Variants in ARHGEF10L observed in about 807,000 individuals in gnomAD.
The protein encoded by ARHGEF10L is rho guanine nucleotide exchange factor 10-like protein.
A neutral mutation model predicts 141.2 loss-of-function variants in ARHGEF10L; 69 were observed. The ratio of observed to expected loss-of-function variants is 0.49; its 90% confidence interval spans 0.40 to 0.60. The LOEUF (loss-of-function observed/expected upper bound fraction) is 0.60. Among genes scored for constraint, ARHGEF10L ranks in the 20% least tolerant of loss-of-function variants. The pLI is 0.00. For synonymous variants in ARHGEF10L, 711 were observed against 718.5 expected, an observed-to-expected ratio of 0.99 and a Z score of 0.17; for missense variants, 1,482 against 1,734.3, an observed-to-expected ratio of 0.85 and a Z score of 2.58.
At chr1:17,624,583 G>A in intron 13 of ARHGEF10L, 80 bp downstream of exon 13, 2 of 1,161,478 alleles carry the variant, frequency 1.7e-6, no homozygotes, top group Non-Finnish European at 2.6e-6. Context: ...TTTGGCCCCA[G>A]CTTTGGGTAT....
rs571367544 is a variant in ARHGEF10L at position 17,694,993 on chromosome 1, G to C, written c.3185-165G>C. 2.7e-5 allele frequency: 27 copies of C among 988,672 alleles called. No homozygotes were observed. In the East Asian group the frequency reaches 6.5e-4, roughly 24 times the overall value. The allele number at this position is 988,672 out of a possible 1,614,324, so 61.2% of individuals were successfully genotyped here. A position where few individuals can be genotyped will look rare whatever the true frequency, so the allele number is the denominator to read the frequency against. ...TGCAGGACCTCGTGGCCAGACCCCAGGCAGGTCAGCCTCCAAAGCCCCAGC... is the reference window on the plus strand; with the variant it reads ...TGCAGGACCTCGTGGCCAGACCCCACGCAGGTCAGCCTCCAAAGCCCCAGC... On this transcript the variant is annotated intron_variant, in intron 27 of 28. Transcript: ENST00000361221.
Position 17,697,394 on chromosome 1 carries a change from C to G in ARHGEF10L, c.*14C>G, listed in dbSNP as rs1569922530. 6.4e-7 allele frequency: 1 copy of G among 1,569,320 alleles called. No individual in the cohort carries two copies. Among genetic ancestry groups the G allele is most frequent in the Admixed American group, 1.8e-5 (1 of 56,862 alleles). On this transcript the variant is annotated 3_prime_UTR_variant, in exon 29 of 29. Transcript: ENST00000361221. The surrounding 1 kb of genome is among the most constrained non-coding windows in gnomAD (Gnocchi z 4.8). ...TTGATGCTATAGCGCCTCCCCTCTCCCCTCAGAGGGCACAGCTGCAGGCCT... is the reference window on the plus strand; with the variant it reads ...TTGATGCTATAGCGCCTCCCCTCTCGCCTCAGAGGGCACAGCTGCAGGCCT...
chr1:17,602,720 G>A (rs2080810616), intron 5 of ARHGEF10L, among the ~76,000 whole-genome samples: 1 of 152,128 alleles, frequency 6.6e-6, no homozygotes, highest in South Asian at 2.1e-4. Context: ...GTGTGGCTGC[G>A]GGCCCTGCAG....
chr1:17,639,466 G>A lies in ARHGEF10L; in HGVS notation c.2172-736G>A, dbSNP rs2061205051. Among the ~76,000 whole-genome samples the A allele has an allele frequency of 1.3e-5, 2 of 152,196 alleles. No homozygotes were observed. The highest frequency in any genetic ancestry group is 4.8e-5 in the African/African-American group (2 of 41,458). The stretch of plus-strand genomic sequence containing the variant: ...CACTATCATTTGAGGTAGGACCATG[G>A]GCTCAGTCCCCCAGGGGACCATGTG... On this transcript the variant is annotated intron_variant, in intron 20 of 28. Transcript: ENST00000361221. The surrounding 1 kb of genome is among the most constrained non-coding windows in gnomAD (Gnocchi z 4.3).
intron 4 of ARHGEF10L, among the ~76,000 whole-genome samples, chr1:17,593,537 C>T (rs888720990): frequency 3.9e-5 from 6 of 152,120 alleles, no homozygotes; most frequent in South Asian, 2.1e-4. Flanking sequence ...GAAGATGCCA[C>T]GCTCCTGGCC....
At chr1:17,629,825 C>T (rs1330677900) in intron 15 of ARHGEF10L, among the ~76,000 whole-genome samples, 1 of 152,228 alleles carries the variant, frequency 6.6e-6, no homozygotes, top group Non-Finnish European at 1.5e-5. Context: ...CCTTCGGCTC[C>T]CTCTTCGGTG....
intron 28 of ARHGEF10L, 133 bp from the exon 29 acceptor site, chr1:17,696,715 G>T: frequency 1.1e-6 from 1 of 936,912 alleles, no homozygotes; most frequent in South Asian, 2.5e-5. Context: ...TGGCCTTCGG[G>T]GGAGGTGCCA....
At chr1:17,590,762 G>GGAGT (rs2079463959) in intron 4 of ARHGEF10L, among the ~76,000 whole-genome samples, 2 of 152,152 alleles carry the variant, frequency 1.3e-5, no homozygotes, top group African/African-American at 4.8e-5. Flanking sequence ...CAAGGTGGGT[G>GGAGT]GACCACTGAG....
chr1:17,683,424 C>T (rs75038282), intron 26 of ARHGEF10L, among the ~76,000 whole-genome samples: 1 of 100,050 alleles, frequency 1.0e-5, no homozygotes, highest in African/African-American at 3.5e-5. Context: ...TGCTCTCACC[C>T]GGGTGCTCAC....
At position 17,621,952 on chromosome 1, in the gene ARHGEF10L, A is replaced by G. The variant is rs759393762; in HGVS notation, c.1020+11A>G. The stretch of plus-strand genomic sequence containing the variant: ...AAGCGGATACTCCAGGTGCGACTTC[A>G]GGGAGTTCTCAAGGGTCTCTGGGGA... On this transcript the variant is annotated intron_variant, in intron 11 of 28. Transcript: ENST00000361221. This position sits in a 1 kb window ranked among gnomAD's most constrained non-coding sequence, Gnocchi z 4.1. The G allele has an allele frequency of 6.2e-7, 1 of 1,613,950 alleles. No individual in the cohort carries two copies. Among genetic ancestry groups the G allele is most frequent in the African/African-American group, 1.3e-5 (1 of 74,926 alleles).
chr1:17,669,660 TC>T (rs2063195761), intron 26 of ARHGEF10L, among the ~76,000 whole-genome samples: 1 of 152,188 alleles, frequency 6.6e-6, no homozygotes, highest in African/African-American at 2.4e-5. Flanking sequence ...CAGATGTAAC[TC>T]CCAGGAGCTC....
At chr1:17,668,637 A>T (rs1226620720) in intron 26 of ARHGEF10L, among the ~76,000 whole-genome samples, 1 of 152,126 alleles carries the variant, frequency 6.6e-6, no homozygotes, top group Middle Eastern at 3.2e-3. Context: ...GGGAGGCGAG[A>T]TGGAGGAAGG....
At chr1:17,632,281 G>C (rs763270890) in intron 15 of ARHGEF10L, 40 bp from the exon 16 acceptor site, 2 of 1,608,272 alleles carry the variant, frequency 1.2e-6, no homozygotes, top group South Asian at 2.2e-5. Context: ...AAGCCGCCGG[G>C]CCGCGATGCT....
chr1:17,563,882 C>T (rs182687762), intron 1 of ARHGEF10L, among the ~76,000 whole-genome samples: 2 of 152,262 alleles, frequency 1.3e-5, no homozygotes, highest in East Asian at 1.9e-4. Flanking sequence ...ACCCCTCCGT[C>T]GTCTGAGAGC....
In ARHGEF10L at chr1:17,625,813, C is replaced by T; in HGVS notation, c.1318-143C>T. 1 of 706,358 alleles carries T rather than the reference C, an allele frequency of 1.4e-6. No homozygotes were observed. The highest frequency in any genetic ancestry group is 2.4e-6 in the Non-Finnish European group (1 of 415,696). The allele number at this position is 706,358 out of a possible 1,614,324, so 43.8% of individuals were successfully genotyped here. ...CCTGGCTGCAGAACCACGGACCTCT[C>T]TCAGCTCTTCTTGCAAGCCCAGGGA... On this transcript the variant is annotated intron_variant, in intron 13 of 28. Transcript: ENST00000361221. The surrounding 1 kb of genome is among the most constrained non-coding windows in gnomAD (Gnocchi z 4.5).
Position 17,616,139 on chromosome 1 carries a change from C to T in ARHGEF10L, c.772C>T (p.Leu258=). 1 of 1,613,800 alleles carries T rather than the reference C, an allele frequency of 6.2e-7. No individual in the cohort carries two copies. The highest frequency in any genetic ancestry group is 1.7e-5 in the Admixed American group (1 of 60,024). ...KAAKSGTKDG[L]EKTRMAVMRK... is the part of the protein sequence containing the mutation. ...CGCCAAGAGCGGGACCAAGGATGGG[C>T]TGGAGAAGACACGGATGGCCGTGAT... is the stretch of plus-strand genomic sequence containing the variant. The change falls in exon 9 of 29, where the codon CTG becomes TTG. Residue 258 remains leucine, a synonymous_variant. Transcript: ENST00000361221.
At chr1:17,695,019 T>TCTTCCCCACCC (rs1457406265) in intron 27 of ARHGEF10L, 139 bp from the exon 28 acceptor site, 1 of 1,301,276 alleles carries the variant, frequency 7.7e-7, no homozygotes, top group African/African-American at 1.4e-5. Flanking sequence ...AAGCCCCAGC[T>TCTTCCCCACCC]CTTCCCCACC....
intron 2 of ARHGEF10L, among the ~76,000 whole-genome samples, chr1:17,585,906 T>G (rs971492644): frequency 5.9e-5 from 9 of 152,222 alleles, no homozygotes; most frequent in Admixed American, 2.0e-4. Flanking sequence ...CTCAAGGATC[T>G]GCGGCTGTTG....
rs758242383 is a variant in ARHGEF10L at position 17,619,471 on chromosome 1, G to T, written c.942+26G>T. ...GTCTGTGGGGGAGTGGGGCAGGTGG[G>T]GGTCTGCAGGGGAAGGGGTGGCTTG... On this transcript the variant is annotated intron_variant, in intron 10 of 28. Coordinates refer to ENST00000361221, the MANE Select transcript of ARHGEF10L (RefSeq NM_018125.4). The surrounding 1 kb of genome is among the most constrained non-coding windows in gnomAD (Gnocchi z 5.0). The T allele has an allele frequency of 2.0e-5, 30 of 1,537,414 alleles. No individual in the cohort carries two copies. Among genetic ancestry groups the T allele is most frequent in the Non-Finnish European group, 2.6e-5 (29 of 1,135,658 alleles).
Sources: gnomAD v4.1 joint callset for allele counts (sites outside exome capture counted in the v4.1 genomes callset) on GRCh38, gnomAD v4.1.1 for gene constraint, Gnocchi (gnomAD v3.1) non-coding constraint, MANE v1.5 for transcripts, NCBI Gene and HGNC (gene_info 2026-07-23, HGNC 2026-07-21) for gene names.